ASMTL: variants seen among roughly 807,000 people sequenced by gnomAD.
The protein encoded by ASMTL is probable bifunctional dTTP/UTP pyrophosphatase/methyltransferase protein.
A neutral mutation model predicts 60.3 loss-of-function variants in ASMTL; 57 were observed. That is an observed-to-expected ratio of 0.95 (90% CI 0.76 to 1.18). The LOEUF is 1.18. ASMTL is among the 50% of genes most tolerant of loss of function. ASMTL has a pLI of 0.00. For synonymous variants in ASMTL, 419 were observed against 373.0 expected, an observed-to-expected ratio of 1.12 and a Z score of -1.42; for missense variants, 981 against 852.6, an observed-to-expected ratio of 1.15 and a Z score of -1.88.
chrX:1,444,452 G>A (rs1305210187), intron 1 of ASMTL, among the ~76,000 whole-genome samples: 25 of 152,104 alleles, frequency 1.6e-4, no homozygotes, highest in African/African-American at 4.8e-4. Flanking sequence ...CAGGTGATCC[G>A]CCCGCCTCGG....
chrX:1,418,179 A>G (rs2090369104), intron 10 of ASMTL, 63 bp from the exon 11 acceptor site: 2 of 1,511,924 alleles, frequency 1.3e-6, no homozygotes. Context: ...CGACTCTCCA[A>G]AGCTCAACTG....
chrX:1,439,415 C>T (rs1360299085), intron 2 of ASMTL, among the ~76,000 whole-genome samples: 5 of 152,184 alleles, frequency 3.3e-5, no homozygotes, highest in Admixed American at 6.5e-5. Flanking sequence ...ACGGGCACTA[C>T]GGGAAACGCA....
chrX:1,434,068 C>A (rs375488642), intron 5 of ASMTL, among the ~76,000 whole-genome samples: 2 of 152,142 alleles, frequency 1.3e-5, no homozygotes, highest in African/African-American at 4.8e-5. Flanking sequence ...GCGCTAACTC[C>A]GACGGCTACT....
intron 8 of ASMTL, 83 bp from the exon 9 acceptor site, chrX:1,421,925 TTAAAA>T: frequency 1.5e-6 from 2 of 1,349,234 alleles, no homozygotes; most frequent in South Asian, 1.2e-5. Flanking sequence ...CATTGAGATG[TTAAAA>T]TAAACATCAC....
chrX:1,436,448 G>A (rs2090967714), intron 3 of ASMTL, among the ~76,000 whole-genome samples: 3 of 152,152 alleles, frequency 2.0e-5, no homozygotes, highest in Admixed American at 1.3e-4. Context: ...CGCCTCCCGG[G>A]TTCACGCCAT....
chrX:1,442,341 G>A lies in ASMTL; in HGVS notation c.94-24C>T, dbSNP rs767088871. 26 of 1,613,630 alleles carry A rather than the reference G, an allele frequency of 1.6e-5. No individual in the cohort carries two copies. The South Asian group carries it at 2.7e-4, about 17-fold the overall frequency. Reference sequence around the variant, plus strand: ...CCCTGCAACAGTAGAAAAGGGGTCAGAAGGGTCAATGAAAGACCCTATGAA... The same window carrying A: ...CCCTGCAACAGTAGAAAAGGGGTCAAAAGGGTCAATGAAAGACCCTATGAA... On this transcript the variant is annotated intron_variant, in intron 1 of 12. Transcript: ENST00000381317.
intron 8 of ASMTL, among the ~76,000 whole-genome samples, chrX:1,424,659 TTCA>T (rs1457516369): frequency 4.0e-5 from 6 of 148,190 alleles, no homozygotes; most frequent in Non-Finnish European, 7.4e-5. Flanking sequence ...CATCCACCGA[TTCA>T]TCGATCCATC....
At chrX:1,419,351 G>T (rs1350191342) in intron 9 of ASMTL, among the ~76,000 whole-genome samples, 1 of 152,102 alleles carries the variant, frequency 6.6e-6, no homozygotes, top group Admixed American at 6.5e-5. Flanking sequence ...GGAATCACTT[G>T]GTCCACACCA....
At chrX:1,430,832 G>A (rs1414576521) in intron 6 of ASMTL, among the ~76,000 whole-genome samples, 1 of 143,756 alleles carries the variant, frequency 7.0e-6, no homozygotes, top group African/African-American at 2.5e-5. Context: ...TTATACAAAT[G>A]TATTTATATA....
At position 1,436,510 on chromosome X, in the gene ASMTL, A is replaced by G. The variant is rs1384083133; in HGVS notation, c.274-752T>C. 2.8e-3 allele frequency among the ~76,000 whole-genome samples: 425 copies of G among 151,774 alleles called. 3 individuals are homozygous for G. Among genetic ancestry groups the G allele is most frequent in the African/African-American group, 5.3e-3 (221 of 41,346 alleles). ...TGGGACTACAGGCGCCCGCCACCAC[A>G]CCCGGCTAATTTTTTGTATTTTTAG... On this transcript the variant is annotated intron_variant, in intron 3 of 12. Coordinates refer to ENST00000381317, the MANE Select transcript of ASMTL (RefSeq NM_004192.4).
In ASMTL at chrX:1,425,642, CT is replaced by C. The variant is rs749075216; in HGVS notation, c.942del (p.Asp315MetfsTer112). 1.1e-5 allele frequency: 17 copies of C among 1,613,762 alleles called. No individual in the cohort carries two copies. The East Asian group carries it at 3.8e-4, about 36-fold the overall frequency. Reference sequence around the variant, plus strand: ...TCCGCAGCCTTCTGGGGTGCTTCATCTTTTAACAAATCGAACACCTTCAGTT... The same window carrying C: ...TCCGCAGCCTTCTGGGGTGCTTCATCTTTAACAAATCGAACACCTTCAGTT... Reference protein sequence around the residue: ...ACKLKVFDLLKDEAPQKAADI... With the variant: ...ACKLKVFDLLXDEAPQKAADI... On this transcript the variant is annotated frameshift_variant, in exon 8 of 13. Coordinates refer to ENST00000381317, the MANE Select transcript of ASMTL (RefSeq NM_004192.4). LOFTEE classifies it high-confidence loss of function.
At chrX:1,406,537 G>A (rs757768953) in intron 12 of ASMTL, among the ~76,000 whole-genome samples, 11 of 151,398 alleles carry the variant, frequency 7.3e-5, no homozygotes, top group Non-Finnish European at 1.6e-4. Context: ...GATGGTAGAT[G>A]ATGGGTAGGT....
intron 12 of ASMTL, among the ~76,000 whole-genome samples, chrX:1,411,050 T>G (rs1182944099): frequency 4.7e-5 from 7 of 148,836 alleles, no homozygotes; most frequent in Admixed American, 1.3e-4. Context: ...CCGGGCGTGG[T>G]GGTATGTGCC....
intron 12 of ASMTL, among the ~76,000 whole-genome samples, chrX:1,407,549 A>G (rs770139068): frequency 3.4e-4 from 51 of 152,016 alleles, no homozygotes; most frequent in South Asian, 2.3e-3. Context: ...TGATGGATGG[A>G]TGGATAGATA....
chrX:1,436,616 T>A (rs1214507029), intron 3 of ASMTL, among the ~76,000 whole-genome samples: 1 of 152,150 alleles, frequency 6.6e-6, no homozygotes, highest in African/African-American at 2.4e-5. Context: ...CCTCCCAAAG[T>A]GCTGGGATGA....
intron 8 of ASMTL, among the ~76,000 whole-genome samples, chrX:1,422,636 A>G (rs1468951557): frequency 1.4e-4 from 22 of 152,124 alleles, no homozygotes; most frequent in Non-Finnish European, 2.5e-4. Flanking sequence ...AGACCCGTAT[A>G]TGGAAACAGA....
intron 11 of ASMTL, among the ~76,000 whole-genome samples, chrX:1,416,833 GCACA>G (rs1569532201): frequency 7.0e-6 from 1 of 142,264 alleles, no homozygotes; most frequent in Non-Finnish European, 1.5e-5. Flanking sequence ...ATACAGATGG[GCACA>G]CAGACATGCA....
chrX:1,416,349 T>TCCAACA (rs1222768119), intron 11 of ASMTL, among the ~76,000 whole-genome samples: 6,266 of 67,708 alleles, frequency 0.093, 1,152 homozygotes, highest in Middle Eastern at 0.14. Flanking sequence ...ACAGATACAG[T>TCCAACA]GACAGGCACA....
intron 5 of ASMTL, among the ~76,000 whole-genome samples, chrX:1,433,516 A>T (rs1430518301): frequency 4.0e-5 from 6 of 149,862 alleles, no homozygotes; most frequent in African/African-American, 1.5e-4. Flanking sequence ...AAAAAAAAAA[A>T]AAAAAAATAG....
Sources: gnomAD v4.1 joint callset for allele counts (sites outside exome capture counted in the v4.1 genomes callset) on GRCh38, gnomAD v4.1.1 for gene constraint, MANE v1.5 for transcripts, NCBI Gene and HGNC (gene_info 2026-07-23, HGNC 2026-07-21) for gene names.